The following MOB3B variants were observed in gnomAD, a reference collection of about 807,000 sequenced individuals.
MOB3B encodes the protein MOB kinase activator 3B.
Under a neutral mutation model 18.7 loss-of-function variants are expected in MOB3B, and 7 were observed. The ratio of observed to expected loss-of-function variants is 0.37; its 90% CI spans 0.21 to 0.70. MOB3B has a LOEUF of 0.70. Ranked by LOEUF, MOB3B falls within the 30% of genes least tolerant of loss-of-function variation. The probability of loss-of-function intolerance (pLI) is 0.52; values close to 1 mark genes in which losing one functional copy is unlikely to be tolerated. For synonymous variants in MOB3B, 111 were observed against 99.9 expected (o/e 1.11, Z -0.66); for missense variants, 253 against 281.3 (o/e 0.90, Z 0.72).
chr9:27,396,111 T>G (rs975150602), intron 2 of MOB3B, among the ~76,000 whole-genome samples: 7 of 151,802 alleles, frequency 4.6e-5, no homozygotes, highest in Admixed American at 1.3e-4. Flanking sequence ...TTGGTTAAAT[T>G]TATTTCAGGT....
chr9:27,395,470 G>A (rs896889586), intron 2 of MOB3B, among the ~76,000 whole-genome samples: 2 of 152,000 alleles, frequency 1.3e-5, no homozygotes, highest in Non-Finnish European at 2.9e-5. Flanking sequence ...AAAAAAGACT[G>A]TTGATAGGTT....
At chr9:27,383,472 C>G (rs1251256165) in intron 2 of MOB3B, among the ~76,000 whole-genome samples, 2 of 152,108 alleles carry the variant, frequency 1.3e-5, no homozygotes, top group African/African-American at 4.8e-5. Context: ...TCAAATGATT[C>G]TAGACAAATA....
intron 1 of MOB3B, among the ~76,000 whole-genome samples, chr9:27,518,656 G>C (rs1472212542): frequency 6.6e-6 from 1 of 152,104 alleles, no homozygotes; most frequent in Non-Finnish European, 1.5e-5. Context: ...CTTCAGTTGG[G>C]CTGGAAAAGA....
At chr9:27,407,551 G>A (rs902742780) in intron 2 of MOB3B, among the ~76,000 whole-genome samples, 5 of 152,128 alleles carry the variant, frequency 3.3e-5, no homozygotes, top group Non-Finnish European at 5.9e-5. Flanking sequence ...GTGGGCAGGA[G>A]GGCCCAGAGT....
intron 1 of MOB3B, among the ~76,000 whole-genome samples, chr9:27,528,466 G>A (rs1225650945): frequency 6.6e-6 from 1 of 152,232 alleles, no homozygotes; most frequent in Non-Finnish European, 1.5e-5. Context: ...ATGCGCCCTG[G>A]GCCACAGGCA....
chr9:27,513,257 T>A (rs1820172863), intron 1 of MOB3B, among the ~76,000 whole-genome samples: 1 of 152,144 alleles, frequency 6.6e-6, no homozygotes, highest in South Asian at 2.1e-4. Flanking sequence ...ACCAGTCTTA[T>A]TTTTTCCATC....
In MOB3B at chr9:27,342,676, C is replaced by G. The variant is rs555103031; in HGVS notation, c.622-12060G>C. On this transcript the variant is annotated intron_variant, in intron 3 of 3. Coordinates refer to ENST00000262244, the MANE Select transcript of MOB3B (RefSeq NM_024761.5). ...GGAGACGGGGTTTCGCCTTGTTGGC[C>G]GGGCTGGTCTCCAGCTCCTGACCAC... Among the ~76,000 whole-genome samples the G allele has an allele frequency of 6.3e-3, 955 of 152,266 alleles. 7 individuals are homozygous for G. The highest frequency in any genetic ancestry group is 0.022 in the African/African-American group (928 of 41,536).
At chr9:27,445,302 T>C (rs965965590) in intron 2 of MOB3B, among the ~76,000 whole-genome samples, 8 of 150,884 alleles carry the variant, frequency 5.3e-5, no homozygotes, top group African/African-American at 1.9e-4. Flanking sequence ...CGTCACCTTC[T>C]AGATGGGGAG....
chr9:27,506,422 C>T (rs1820060005), intron 1 of MOB3B, among the ~76,000 whole-genome samples: 2 of 152,226 alleles, frequency 1.3e-5, no homozygotes, highest in Non-Finnish European at 2.9e-5. Flanking sequence ...GAAATGTCTC[C>T]TCTCATCTAC....
At chr9:27,524,416 C>A (rs754125470) in intron 1 of MOB3B, 2 of 1,614,076 alleles carry the variant, frequency 1.2e-6, no homozygotes, top group South Asian at 2.2e-5. Context: ...GGCACCCTAT[C>A]CCTGGACTGT....
intron 3 of MOB3B, among the ~76,000 whole-genome samples, chr9:27,334,428 T>C (rs569396739): frequency 6.6e-6 from 1 of 152,316 alleles, no homozygotes; most frequent in Non-Finnish European, 1.5e-5. Context: ...ACTTTAGAAA[T>C]GAAGTTAAAA....
chr9:27,472,322 G>T (rs1301032148), intron 1 of MOB3B, among the ~76,000 whole-genome samples: 1 of 151,678 alleles, frequency 6.6e-6, no homozygotes, highest in African/African-American at 2.4e-5. Flanking sequence ...AAGGCCTCAG[G>T]AACTTTTGCC....
At chr9:27,481,497 GTTTT>G (rs749380961) in intron 1 of MOB3B, among the ~76,000 whole-genome samples, 35 of 89,056 alleles carry the variant, frequency 3.9e-4, no homozygotes, top group African/African-American at 7.1e-4. Context: ...AAGGAAGGTA[GTTTT>G]TTTTTTTTTG....
In MOB3B at chr9:27,399,580, C is replaced by A. The variant is rs115529711; in HGVS notation, c.419-40344G>T. Among the ~76,000 whole-genome samples the A allele has an allele frequency of 3.4e-3, 518 of 152,246 alleles. 1 individual carries two copies. Among genetic ancestry groups the A allele is most frequent in the African/African-American group, 0.011 (461 of 41,548 alleles). On this transcript the variant is annotated intron_variant, in intron 2 of 3. Transcript: ENST00000262244. The stretch of plus-strand genomic sequence containing the variant: ...GAGTATTTCAGACACCCAGGTGGAC[C>A]TTCACTGATGGGGTCTGGAGACCCT...
At chr9:27,503,571 A>T (rs1820018623) in intron 1 of MOB3B, among the ~76,000 whole-genome samples, 1 of 152,112 alleles carries the variant, frequency 6.6e-6, no homozygotes, top group Non-Finnish European at 1.5e-5. Context: ...CTTCCTGCAT[A>T]CTCTGCCCCA....
chr9:27,523,084 C>G (rs10967972), intron 1 of MOB3B, among the ~76,000 whole-genome samples: 26,535 of 152,064 alleles, frequency 0.17, 2,710 homozygotes, highest in Middle Eastern at 0.26. Flanking sequence ...TGGCTATTTA[C>G]CATTTTACAA....
chr9:27,400,296 T>C (rs1332764783), intron 2 of MOB3B, among the ~76,000 whole-genome samples: 1 of 152,218 alleles, frequency 6.6e-6, no homozygotes, highest in Non-Finnish European at 1.5e-5. Flanking sequence ...CTCCAAAACC[T>C]GGCCTCAACC....
intron 3 of MOB3B, among the ~76,000 whole-genome samples, chr9:27,340,606 T>A (rs1820926074): frequency 6.6e-6 from 1 of 152,142 alleles, no homozygotes. Flanking sequence ...TCTGTGCTTT[T>A]TTTTTAGCAC....
chr9:27,424,286 A>G (rs1822296296), intron 2 of MOB3B, among the ~76,000 whole-genome samples: 1 of 152,238 alleles, frequency 6.6e-6, no homozygotes, highest in African/African-American at 2.4e-5. Context: ...GATTAGGCTG[A>G]TTTAGAGGTT....
Sources: gnomAD v4.1 joint callset for allele counts (sites outside exome capture counted in the v4.1 genomes callset) on GRCh38, gnomAD v4.1.1 for gene constraint, MANE v1.5 for transcripts, NCBI Gene and HGNC (gene_info 2026-07-23, HGNC 2026-07-21) for gene names.